CSMD3: variants seen among roughly 807,000 people sequenced by gnomAD.
CSMD3 encodes the protein CUB and Sushi multiple domains 3.
A neutral mutation model predicts 435.2 loss-of-function variants in CSMD3; 177 were observed. That is an observed-to-expected ratio of 0.41 (90% CI 0.36 to 0.46). The LOEUF is 0.46. Ranked by LOEUF, CSMD3 falls within the 20% of genes least tolerant of loss-of-function variation. CSMD3 has a pLI of 0.34. For missense variants in CSMD3, 4,265 were observed against 4,504.6 expected (o/e 0.95, Z 1.52); for synonymous variants, 1,656 against 1,520.5 (o/e 1.09, Z -2.07).
chr8:113,124,495 A>C (rs1266499542), intron 4 of CSMD3, among the ~76,000 whole-genome samples: 1 of 151,422 alleles, frequency 6.6e-6, no homozygotes, highest in Non-Finnish European at 1.5e-5. Context: ...GAAAAAAGAA[A>C]AAAAACCCTA....
intron 16 of CSMD3, among the ~76,000 whole-genome samples, chr8:112,676,650 C>G (rs1275867433): frequency 6.6e-6 from 1 of 152,048 alleles, no homozygotes; most frequent in African/African-American, 2.4e-5. Flanking sequence ...AGTTCAGTAG[C>G]ATTTTATTTT....
chr8:113,066,205 G>T (rs2088852717), intron 5 of CSMD3, among the ~76,000 whole-genome samples: 3 of 151,484 alleles, frequency 2.0e-5, no homozygotes, highest in African/African-American at 7.2e-5. Flanking sequence ...CTATAGATTA[G>T]TAGGTTAATT....
chr8:112,887,001 T>G (rs982967868), intron 10 of CSMD3, among the ~76,000 whole-genome samples: 1 of 151,452 alleles, frequency 6.6e-6, no homozygotes, highest in Admixed American at 6.6e-5. Flanking sequence ...GGACCTTGAG[T>G]GCATGGTCCA....
intron 28 of CSMD3, among the ~76,000 whole-genome samples, chr8:112,512,973 T>C (rs75081463): frequency 0.023 from 3,459 of 152,244 alleles, 127 homozygotes; most frequent in African/African-American, 0.077. Context: ...GCTTCAAAGT[T>C]TTCTTCTGCA....
At chr8:112,492,740 A>C (rs2130855492) in intron 30 of CSMD3, 57 bp from the exon 31 acceptor site, 1 of 1,337,746 alleles carries the variant, frequency 7.5e-7, no homozygotes, top group South Asian at 1.2e-5. Context: ...GGCACTCCGT[A>C]ATACATGGGT....
chr8:112,769,805 A>G (rs1309515857), intron 13 of CSMD3, among the ~76,000 whole-genome samples: 1 of 151,978 alleles, frequency 6.6e-6, no homozygotes, highest in African/African-American at 2.4e-5. Context: ...CCCACAATCC[A>G]TTGAACATTT....
intron 2 of CSMD3, among the ~76,000 whole-genome samples, chr8:113,298,950 T>C (rs983604838): frequency 2.0e-5 from 3 of 152,172 alleles, no homozygotes; most frequent in Non-Finnish European, 4.4e-5. Context: ...GTAAAAAATA[T>C]TTCACTGAAT....
chr8:112,507,557 T>C (rs1156413998), intron 28 of CSMD3, among the ~76,000 whole-genome samples: 1 of 152,210 alleles, frequency 6.6e-6, no homozygotes, highest in Non-Finnish European at 1.5e-5. Flanking sequence ...GATTCTCACA[T>C]TCTCACAATG....
intron 62 of CSMD3, among the ~76,000 whole-genome samples, chr8:112,254,997 C>G (rs957203331): frequency 5.3e-5 from 8 of 151,990 alleles, no homozygotes; most frequent in Non-Finnish European, 1.2e-4. Flanking sequence ...AATGTCACTA[C>G]CTGAAAGTAT....
chr8:112,494,683 T>C (rs1022673908), intron 30 of CSMD3, among the ~76,000 whole-genome samples: 2 of 151,962 alleles, frequency 1.3e-5, no homozygotes, highest in African/African-American at 4.8e-5. Context: ...TTACAGTCTC[T>C]TAAAGAAAGC....
chr8:113,311,719 T>A (rs925549485), intron 2 of CSMD3: 2 of 152,140 alleles, frequency 1.3e-5, no homozygotes, highest in African/African-American at 2.4e-5. Context: ...GGCTGTAGGT[T>A]ACATACTAAT....
intron 6 of CSMD3, among the ~76,000 whole-genome samples, chr8:112,995,326 T>G (rs2131039319): frequency 6.6e-6 from 1 of 151,470 alleles, no homozygotes; most frequent in African/African-American, 2.4e-5. Context: ...GACGGCACAT[T>G]TAGTTTTGGT....
chr8:112,883,109 G>A (rs779512933), intron 10 of CSMD3, among the ~76,000 whole-genome samples: 1 of 151,946 alleles, frequency 6.6e-6, no homozygotes, highest in Non-Finnish European at 1.5e-5. Context: ...GGATAAAGGA[G>A]CACACTTTTG....
At chr8:112,636,531 A>G (rs545128472) in intron 22 of CSMD3, among the ~76,000 whole-genome samples, 1 of 144,982 alleles carries the variant, frequency 6.9e-6, no homozygotes, top group Non-Finnish European at 1.5e-5. Flanking sequence ...CTATGTGTCT[A>G]TCATATTTCT....
intron 3 of CSMD3, among the ~76,000 whole-genome samples, chr8:113,189,978 T>C (rs980612004): frequency 6.6e-6 from 1 of 151,864 alleles, no homozygotes; most frequent in Non-Finnish European, 1.5e-5. Flanking sequence ...TGTATTCTTT[T>C]ATTTTGCCAT....
intron 32 of CSMD3, among the ~76,000 whole-genome samples, chr8:112,415,445 G>A (rs1297909979): frequency 6.6e-6 from 1 of 152,176 alleles, no homozygotes; most frequent in Non-Finnish European, 1.5e-5. Context: ...GGATGTCCAG[G>A]CAGAAGTTTG....
chr8:112,230,847 A>G (rs1012779540), intron 69 of CSMD3, among the ~76,000 whole-genome samples: 6 of 152,166 alleles, frequency 3.9e-5, no homozygotes, highest in African/African-American at 1.4e-4. Flanking sequence ...TTCTTAAAAG[A>G]TAAATGTCAA....
At chr8:112,718,720 T>C (rs780861073) in intron 13 of CSMD3, among the ~76,000 whole-genome samples, 1 of 152,056 alleles carries the variant, frequency 6.6e-6, no homozygotes, top group African/African-American at 2.4e-5. Flanking sequence ...CCCTTATTTT[T>C]AGAAAATCAT....
In CSMD3 at chr8:112,244,448, G is replaced by A. The variant is rs764230500; in HGVS notation, c.10348C>T (p.His3450Tyr). The A allele has an allele frequency of 5.6e-6, 9 of 1,613,860 alleles. No individual in the cohort carries two copies. In the South Asian group the frequency reaches 9.9e-5, roughly 18 times the overall value. ...PGFFLAGGTEHRVCRSDNTWT... is the reference protein window; with the variant it reads ...PGFFLAGGTEYRVCRSDNTWT... ...GTGTTATCGGATCTACACACTCTAT[G>A]TTCTGTTCCACCTGCTAAGAAGAAG... Residue 3450 changes from histidine (H) to tyrosine (Y), a missense_variant, in exon 65 of 71, where the codon CAT becomes TAT. His to Tyr is a moderately conservative substitution (Grantham distance 83). Transcript: ENST00000297405.
Sources: gnomAD v4.1 joint callset for allele counts (sites outside exome capture counted in the v4.1 genomes callset) on GRCh38, gnomAD v4.1.1 for gene constraint, MANE v1.5 for transcripts, NCBI Gene and HGNC (gene_info 2026-07-23, HGNC 2026-07-21) for gene names.